Variants in RALGAPA2 observed in about 807,000 individuals in gnomAD.
The protein encoded by RALGAPA2 is Ral GTPase activating protein catalytic subunit alpha 2.
RALGAPA2 carries 139 observed loss-of-function variants against 230.4 expected under a neutral mutation model. The ratio of observed to expected loss-of-function variants is 0.60; its 90% confidence interval spans 0.53 to 0.69. The LOEUF is 0.69. Ranked by LOEUF, RALGAPA2 falls within the 30% of genes least tolerant of loss-of-function variation. The pLI is 0.00. For synonymous variants in RALGAPA2, 847 were observed against 837.8 expected (o/e 1.01, Z -0.19); for missense variants, 2,163 against 2,276.0 (o/e 0.95, Z 1.01).
chr20:20,667,554 C>T (rs2067997569), intron 3 of RALGAPA2, among the ~76,000 whole-genome samples: 1 of 152,172 alleles, frequency 6.6e-6, no homozygotes, highest in African/African-American at 2.4e-5. Flanking sequence ...AGCTAGCATC[C>T]ACAATATTAT....
At chr20:20,410,637 C>T (rs544652392) in intron 38 of RALGAPA2, among the ~76,000 whole-genome samples, 5 of 152,264 alleles carry the variant, frequency 3.3e-5, no homozygotes, top group South Asian at 2.1e-4. Context: ...TCCCTTGAAA[C>T]GAATTTGTTT....
chr20:20,633,878 AC>A (rs1454918705), intron 9 of RALGAPA2, among the ~76,000 whole-genome samples: 1 of 152,208 alleles, frequency 6.6e-6, no homozygotes, highest in Non-Finnish European at 1.5e-5. Flanking sequence ...CTATTCCAAT[AC>A]CATTAATTAA....
At chr20:20,517,393 C>T (rs1217652178) in intron 31 of RALGAPA2, among the ~76,000 whole-genome samples, 1 of 152,164 alleles carries the variant, frequency 6.6e-6, no homozygotes, top group African/African-American at 2.4e-5. Flanking sequence ...TGAGAGATCC[C>T]CTAGCCACAT....
At chr20:20,595,849 G>A (rs1181878428) in intron 16 of RALGAPA2, among the ~76,000 whole-genome samples, 1 of 152,102 alleles carries the variant, frequency 6.6e-6, no homozygotes, top group Non-Finnish European at 1.5e-5. Flanking sequence ...TCGGGAGGCT[G>A]AAGCAGGAGA....
chr20:20,615,117 C>A (rs2066096822), intron 13 of RALGAPA2, among the ~76,000 whole-genome samples: 1 of 151,160 alleles, frequency 6.6e-6, no homozygotes, highest in South Asian at 2.1e-4. Context: ...TGGTCTGTTG[C>A]TGAGCATCAG....
intron 27 of RALGAPA2, among the ~76,000 whole-genome samples, chr20:20,527,973 G>C (rs893804964): frequency 6.6e-6 from 1 of 152,194 alleles, no homozygotes; most frequent in African/African-American, 2.4e-5. Flanking sequence ...AGACACAAAA[G>C]CTATGGGCAG....
At chr20:20,709,577 TG>T (rs1046980297) in intron 1 of RALGAPA2, among the ~76,000 whole-genome samples, 60 of 152,278 alleles carry the variant, frequency 3.9e-4, no homozygotes, top group African/African-American at 1.2e-3. Context: ...TAGGAAGAAC[TG>T]GAAGTCACAG....
intron 23 of RALGAPA2, among the ~76,000 whole-genome samples, chr20:20,552,839 G>T (rs1187904332): frequency 2.6e-5 from 4 of 152,058 alleles, no homozygotes; most frequent in African/African-American, 9.7e-5. Context: ...CTGCTAGTGG[G>T]TCTCTGCTCC....
chr20:20,402,069 G>A (rs1310693272), intron 38 of RALGAPA2, among the ~76,000 whole-genome samples: 1 of 152,212 alleles, frequency 6.6e-6, no homozygotes, highest in Non-Finnish European at 1.5e-5. Flanking sequence ...GGCACGGAGA[G>A]GCAGCGGGGC....
At chr20:20,530,833 C>A (rs900390696) in intron 27 of RALGAPA2, among the ~76,000 whole-genome samples, 1 of 152,168 alleles carries the variant, frequency 6.6e-6, no homozygotes. Flanking sequence ...AGGACGCTTA[C>A]CCCTGAACTA....
chr20:20,405,027 T>C (rs1432192617), intron 38 of RALGAPA2, among the ~76,000 whole-genome samples: 1 of 152,222 alleles, frequency 6.6e-6, no homozygotes, highest in African/African-American at 2.4e-5. Context: ...ACATTTACTA[T>C]CCTCTATCTT....
At chr20:20,426,886 C>T (rs191159121) in intron 37 of RALGAPA2, among the ~76,000 whole-genome samples, 33 of 152,330 alleles carry the variant, frequency 2.2e-4, no homozygotes, top group African/African-American at 7.5e-4. Context: ...TGATCAAGTG[C>T]TTTTAATGGG....
chr20:20,455,153 C>G (rs2061081740), intron 37 of RALGAPA2, among the ~76,000 whole-genome samples: 1 of 152,230 alleles, frequency 6.6e-6, no homozygotes, highest in African/African-American at 2.4e-5. Flanking sequence ...AGCCCCGGAG[C>G]TGCTGCCTCC....
intron 2 of RALGAPA2, among the ~76,000 whole-genome samples, chr20:20,678,013 T>C (rs766598835): frequency 6.6e-6 from 1 of 151,934 alleles, no homozygotes; most frequent in Non-Finnish European, 1.5e-5. Flanking sequence ...AGGGCACAAG[T>C]GTGGAGGTGG....
chr20:20,423,430 G>A (rs985155380), intron 37 of RALGAPA2, among the ~76,000 whole-genome samples: 1 of 152,206 alleles, frequency 6.6e-6, no homozygotes, highest in Non-Finnish European at 1.5e-5. Flanking sequence ...GGGATATGGA[G>A]GGAGCGGGAG....
At chr20:20,658,567 AAC>A (rs2067665398) in intron 3 of RALGAPA2, among the ~76,000 whole-genome samples, 1 of 152,246 alleles carries the variant, frequency 6.6e-6, no homozygotes, top group African/African-American at 2.4e-5. Flanking sequence ...TTTTCTGAAA[AAC>A]ACACAGCTCT....
intron 37 of RALGAPA2, among the ~76,000 whole-genome samples, chr20:20,435,791 G>A (rs2060599100): frequency 1.3e-5 from 2 of 152,344 alleles, no homozygotes; most frequent in South Asian, 4.1e-4. Context: ...ACTGGGATGT[G>A]TCTGTGGACA....
chr20:20,630,755 A>T (rs956908655), intron 9 of RALGAPA2, among the ~76,000 whole-genome samples: 3 of 152,166 alleles, frequency 2.0e-5, no homozygotes, highest in East Asian at 3.8e-4. Context: ...GCTTCTCCAC[A>T]TTCCTAACTG....
At chr20:20,579,024 CAG>C (rs2064904235) in intron 20 of RALGAPA2, among the ~76,000 whole-genome samples, 1 of 152,124 alleles carries the variant, frequency 6.6e-6, no homozygotes, top group Admixed American at 6.6e-5. Context: ...TAGGCGATGA[CAG>C]AGAATGCTGA....
Sources: gnomAD v4.1 joint callset for allele counts (sites outside exome capture counted in the v4.1 genomes callset) on GRCh38, gnomAD v4.1.1 for gene constraint, MANE v1.5 for transcripts, NCBI Gene and HGNC (gene_info 2026-07-23, HGNC 2026-07-21) for gene names.